The following CNTN3 variants were observed in gnomAD, a reference collection of about 807,000 sequenced individuals.
The protein encoded by CNTN3 is contactin-3.
A neutral mutation model predicts 119.1 loss-of-function variants in CNTN3; 60 were observed. The observed-to-expected ratio is 0.50, with a 90% CI of 0.41 to 0.62. The LOEUF (loss-of-function observed/expected upper bound fraction) is 0.62, where lower values mean the gene tolerates loss of function less well. Ranked by LOEUF, CNTN3 falls within the 20% of genes least tolerant of loss-of-function variation. The pLI is 0.00. For missense variants in CNTN3, 1,101 were observed against 1,242.4 expected, an observed-to-expected ratio of 0.89 and a Z score of 1.71; for synonymous variants, 450 against 438.7, an observed-to-expected ratio of 1.03 and a Z score of -0.32.
intron 1 of CNTN3, among the ~76,000 whole-genome samples, chr3:74,533,762 A>G (rs886959454): frequency 1.3e-5 from 2 of 152,060 alleles, no homozygotes; most frequent in Non-Finnish European, 2.9e-5. Context: ...CATAAATGCA[A>G]AAATGAGGTA....
chr3:74,447,482 T>C (rs1702069718), intron 4 of CNTN3, among the ~76,000 whole-genome samples: 1 of 152,192 alleles, frequency 6.6e-6, no homozygotes, highest in African/African-American at 2.4e-5. Flanking sequence ...GGAAGACATC[T>C]AGCCCAATAT....
intron 5 of CNTN3, among the ~76,000 whole-genome samples, chr3:74,374,957 C>T (rs1178047256): frequency 2.0e-5 from 3 of 152,032 alleles, no homozygotes; most frequent in East Asian, 3.9e-4. Context: ...ATAAAACTGT[C>T]CAGAAAATAC....
intron 1 of CNTN3, among the ~76,000 whole-genome samples, chr3:74,521,756 G>A (rs1703546885): frequency 6.6e-6 from 1 of 151,794 alleles, no homozygotes; most frequent in Non-Finnish European, 1.5e-5. Flanking sequence ...TGAGAACCTT[G>A]CAAATGAAAC....
At chr3:74,368,229 A>T (rs1396781476) in intron 8 of CNTN3, among the ~76,000 whole-genome samples, 1 of 152,114 alleles carries the variant, frequency 6.6e-6, no homozygotes, top group Non-Finnish European at 1.5e-5. Context: ...ATATTTTTCA[A>T]GGCGGGGTGT....
intron 4 of CNTN3, among the ~76,000 whole-genome samples, chr3:74,447,790 T>C (rs1394296679): frequency 2.0e-5 from 3 of 152,172 alleles, no homozygotes; most frequent in African/African-American, 7.2e-5. Flanking sequence ...CTGTTCTAAG[T>C]TGCTAAGAGT....
chr3:74,516,585 A>G (rs1575801570), intron 2 of CNTN3, among the ~76,000 whole-genome samples: 1 of 150,808 alleles, frequency 6.6e-6, no homozygotes, highest in Admixed American at 6.6e-5. Flanking sequence ...GGCTCTAAGT[A>G]TAACAGTTAA....
At chr3:74,315,553 T>C (rs1338055192) in intron 13 of CNTN3, among the ~76,000 whole-genome samples, 4 of 152,068 alleles carry the variant, frequency 2.6e-5, no homozygotes, top group African/African-American at 9.7e-5. Flanking sequence ...AAAACATACC[T>C]TAAAAATGTA....
chr3:74,464,506 A>G (rs1702426673), intron 4 of CNTN3, among the ~76,000 whole-genome samples: 1 of 152,196 alleles, frequency 6.6e-6, no homozygotes, highest in Admixed American at 6.5e-5. Flanking sequence ...GTGGAAGGAT[A>G]TGCTTACAGC....
chr3:74,580,495 T>C (rs1420368703), intron 1 of CNTN3, among the ~76,000 whole-genome samples: 1 of 152,026 alleles, frequency 6.6e-6, no homozygotes, highest in African/African-American at 2.4e-5. Context: ...TCCTAAAAAA[T>C]ACAAAATTCC....
At chr3:74,504,362 T>G (rs1703215548) in intron 2 of CNTN3, among the ~76,000 whole-genome samples, 1 of 152,138 alleles carries the variant, frequency 6.6e-6, no homozygotes, top group Admixed American at 6.6e-5. Context: ...CAGAATGAGC[T>G]CTAGCCTGGG....
Position 74,274,093 on chromosome 3 carries a change from T to C in CNTN3, c.2705-6715A>G, listed in dbSNP as rs1300017401. On this transcript the variant is annotated intron_variant, in intron 20 of 22. Coordinates refer to ENST00000263665, the MANE Select transcript of CNTN3 (RefSeq NM_020872.3). Reference sequence around the variant, plus strand: ...TCTGCAGAGGCAGCCATAATCCTCCTAGGTACATAACTCTATTGACCTGGG... The same window carrying C: ...TCTGCAGAGGCAGCCATAATCCTCCCAGGTACATAACTCTATTGACCTGGG... Among the ~76,000 whole-genome samples the C allele has an allele frequency of 2.0e-5, 3 of 152,050 alleles. No homozygotes were observed. In the East Asian group the frequency reaches 5.8e-4, roughly 30 times the overall value.
chr3:74,266,107 A>T (rs1468476040), intron 22 of CNTN3, among the ~76,000 whole-genome samples: 1 of 152,142 alleles, frequency 6.6e-6, no homozygotes, highest in Non-Finnish European at 1.5e-5. Context: ...AATTGATAAG[A>T]TTTATCTATA....
intron 1 of CNTN3, among the ~76,000 whole-genome samples, chr3:74,530,936 C>G (rs896429496): frequency 2.0e-5 from 3 of 151,930 alleles, no homozygotes; most frequent in Admixed American, 6.6e-5. Context: ...TTCTGCACTT[C>G]TAGCAAGTCC....
chr3:74,330,320 C>A (rs1317733233), intron 13 of CNTN3, among the ~76,000 whole-genome samples: 2 of 151,328 alleles, frequency 1.3e-5, no homozygotes, highest in African/African-American at 4.9e-5. Flanking sequence ...CGTGCCACTG[C>A]ACTCCAGCCT....
Position 74,364,536 on chromosome 3 carries a change from C to G in CNTN3, c.1144G>C (p.Gly382Arg). 6.2e-7 allele frequency: 1 copy of G among 1,612,078 alleles called. No homozygotes were observed. Among genetic ancestry groups the G allele is most frequent in the Non-Finnish European group, 8.5e-7 (1 of 1,178,576 alleles). The change falls in exon 10 of 23, where the codon GGC becomes CGC. Residue 382 changes from glycine (G) to arginine (R), a missense_variant. Transcript: ENST00000263665. ...TTTTCTGCTATGCATTGGAACATGC[C>G]AGAATCAGTCACACTTAGGTTTGAT... Reference protein sequence around the residue: ...TISNLSVTDSGMFQCIAENKH... With the variant: ...TISNLSVTDSRMFQCIAENKH...
chr3:74,423,155 A>C (rs1390944487), intron 5 of CNTN3, among the ~76,000 whole-genome samples: 1 of 152,214 alleles, frequency 6.6e-6, no homozygotes, highest in Admixed American at 6.5e-5. Context: ...TCAATCCCTG[A>C]ATCCAACGGA....
In CNTN3 at chr3:74,407,264, A is replaced by ATTTTT. The variant is rs753215277; in HGVS notation, c.454+17576_454+17580dup. 4.3e-3 allele frequency among the ~76,000 whole-genome samples: 451 copies of ATTTTT among 105,494 alleles called. 6 individuals carry two copies. The highest frequency in any genetic ancestry group is 6.3e-3 in the East Asian group (21 of 3,312). 69.2% of individuals were successfully genotyped at this position (105,494 alleles called of 152,430 possible). On this transcript the variant is annotated intron_variant, in intron 5 of 22. Transcript: ENST00000263665. ...AAAGTATAGCCAGGCCAAATATTCT[A>ATTTTT]TTTTTTTTTTTTTTTTTTTTTGAGA...
chr3:74,294,265 G>C (rs183813192), intron 19 of CNTN3, among the ~76,000 whole-genome samples: 234 of 152,286 alleles, frequency 1.5e-3, no homozygotes, highest in Non-Finnish European at 2.7e-3. Flanking sequence ...TATTTATCTT[G>C]CCAGTTCTCA....
In CNTN3 at chr3:74,371,409, T is replaced by C. The variant is rs1194907060; in HGVS notation, c.455-10A>G. ...CAAGCATATGACAGTTCTAATAAAA[T>C]TGTTGAAGAGAGAAAGAAATTCCAT... On this transcript the variant is annotated splice_polypyrimidine_tract_variant and intron_variant, in intron 5 of 22. Transcript: ENST00000263665. 4.4e-6 allele frequency: 7 copies of C among 1,602,946 alleles called. No individual in the cohort carries two copies. Among genetic ancestry groups the C allele is most frequent in the African/African-American group, 4.0e-5 (3 of 74,622 alleles).
Sources: gnomAD v4.1 joint callset for allele counts (sites outside exome capture counted in the v4.1 genomes callset) on GRCh38, gnomAD v4.1.1 for gene constraint, MANE v1.5 for transcripts, NCBI Gene and HGNC (gene_info 2026-07-23, HGNC 2026-07-21) for gene names.